The following CRNN variants were observed in gnomAD, a reference collection of about 807,000 sequenced individuals.
CRNN encodes 53 kDa putative calcium-binding protein.
In CRNN, 39 loss-of-function variants were observed where a neutral mutation model predicts 44.7. The observed-to-expected ratio is 0.87, with a 90% confidence interval of 0.68 to 1.14. The LOEUF (loss-of-function observed/expected upper bound fraction) is 1.14, where lower values mean the gene tolerates loss of function less well. Among genes scored for constraint, CRNN ranks in the 50% most tolerant of loss-of-function variants. The pLI is 0.00. For missense variants in CRNN, 606 were observed against 605.1 expected (o/e 1.00, Z -0.02); for synonymous variants, 240 against 231.8 (o/e 1.04, Z -0.32).
At position 152,410,298 on chromosome 1, in the gene CRNN, T is replaced by C; in HGVS notation, c.784A>G (p.Asn262Asp). 6.2e-7 allele frequency: 1 copy of C among 1,613,948 alleles called. No individual in the cohort carries two copies. Among genetic ancestry groups the C allele is most frequent in the Non-Finnish European group, 8.5e-7 (1 of 1,179,970 alleles). ...GTCTCAGTCCCTCTGTTCTGGTCAT[T>C]GGTGGCCTCCTGTGTCTGCTTGCTG... is the stretch of plus-strand genomic sequence containing the variant. ...RTSKQTQEAT[N>D]DQNRGTETHG... Residue 262 changes from asparagine (N) to aspartate (D), a missense_variant, in exon 3 of 3, where the codon AAT (asparagine) becomes GAT (aspartate). By Grantham distance (23) the Asn-to-Asp change is conservative. Transcript: ENST00000271835.
Position 152,410,631 on chromosome 1 carries a change from C to T in CRNN, c.451G>A (p.Gly151Arg), listed in dbSNP as rs146504570. 6.2e-7 allele frequency: 1 copy of T among 1,614,118 alleles called. No homozygotes were observed. The highest frequency in any genetic ancestry group is 8.5e-7 in the Non-Finnish European group (1 of 1,179,988). ...GTGGCCTGACCCTGGGTCTGAACCCCAGGCCTGTTCTGCCCTCTGGAACCC... is the reference window on the plus strand; with the variant it reads ...GTGGCCTGACCCTGGGTCTGAACCCTAGGCCTGTTCTGCCCTCTGGAACCC... ...QQGSRGQNRP[G>R]VQTQGQATGS... Residue 151 changes from glycine (G) to arginine (R), a missense_variant, in exon 3 of 3, where the codon GGG becomes AGG. Physicochemically the swap from Gly to Arg is moderately radical, Grantham distance 125. Transcript: ENST00000271835.
rs1448162519 is a variant in CRNN, at chr1:152,409,545, A to T, written c.*49T>A. The T allele has an allele frequency of 5.7e-6, 9 of 1,565,578 alleles. No individual in the cohort carries two copies. Among genetic ancestry groups the T allele is most frequent in the Non-Finnish European group, 6.9e-6 (8 of 1,155,064 alleles). ...GGATTGGCCATGCAGGACAAGCCAA[A>T]CTCTCTCCAGCTGTCTTCTTCCAGT... On this transcript the variant is annotated 3_prime_UTR_variant, in exon 3 of 3. Transcript: ENST00000271835.
Position 152,410,321 on chromosome 1 carries a change from C to G in CRNN, c.761G>C (p.Ser254Thr), listed in dbSNP as rs759629089. Residue 254 changes from serine (S) to threonine (T), a missense_variant, in exon 3 of 3, where the codon AGC becomes ACC. By Grantham distance (58) the Ser-to-Thr change is moderately conservative (BLOSUM62 1). Coordinates refer to ENST00000271835, the MANE Select transcript of CRNN (RefSeq NM_016190.3). ...QDSSHQTGRT[S>T]KQTQEATNDQ... ...ATTGGTGGCCTCCTGTGTCTGCTTGCTGGTTCTTCCTGTCTGGTGGCTGCT... is the reference window on the plus strand; with the variant it reads ...ATTGGTGGCCTCCTGTGTCTGCTTGGTGGTTCTTCCTGTCTGGTGGCTGCT... 2 of 1,614,118 alleles carry G rather than the reference C, an allele frequency of 1.2e-6. No individual in the cohort carries two copies. Among genetic ancestry groups the G allele is most frequent in the East Asian group, 4.5e-5 (2 of 44,862 alleles).
Position 152,411,167 on chromosome 1 carries a change from C to T in CRNN, c.139-224G>A, listed in dbSNP as rs140211329. ...TGGTAGCCTCTATTTGGCACAATTT[C>T]TGGGCTACAGGAAAATTAGATAAAG... On this transcript the variant is annotated intron_variant, in intron 2 of 2. Coordinates refer to ENST00000271835, the MANE Select transcript of CRNN (RefSeq NM_016190.3). Among the ~76,000 whole-genome samples, 383 of 152,268 alleles carry T rather than the reference C, an allele frequency of 2.5e-3. 1 individual carries two copies. Among genetic ancestry groups the T allele is most frequent in the Middle Eastern group, 0.014 (4 of 294 alleles).
intron 2 of CRNN, 123 bp downstream of exon 2, chr1:152,411,973 T>A: frequency 1.9e-6 from 2 of 1,057,598 alleles, no homozygotes; most frequent in Non-Finnish European, 2.6e-6. Flanking sequence ...ACAGCTGCCA[T>A]CTGTCCCGGC....
Position 152,409,376 on chromosome 1 carries a change from C to T in CRNN, c.*218G>A. On this transcript the variant is annotated 3_prime_UTR_variant, in exon 3 of 3. Coordinates refer to ENST00000271835, the MANE Select transcript of CRNN (RefSeq NM_016190.3). ...AAAGGGGTGACTTGCTCTGAGTCTT[C>T]CTGCTCCTGAGAGGGTCTGCACCGC... 1 of 782,822 alleles carries T rather than the reference C, an allele frequency of 1.3e-6. No individual in the cohort carries two copies. Among genetic ancestry groups the T allele is most frequent in the Non-Finnish European group, 1.9e-6 (1 of 515,372 alleles). 48.5% of individuals were successfully genotyped at this position (782,822 alleles called of 1,614,324 possible). A position where few individuals can be genotyped will look rare whatever the true frequency, so the allele number is the denominator to read the frequency against.
chr1:152,411,061 TA>T (rs1655747761), intron 2 of CRNN, 118 bp from the exon 3 acceptor site: 1 of 1,435,976 alleles, frequency 7.0e-7, no homozygotes, highest in Non-Finnish European at 9.1e-7. Context: ...CACATACGGC[TA>T]GAGCAGCAGC....
rs1655715627 is a variant in CRNN, at chr1:152,410,328, T to C, written c.754A>G (p.Arg252Gly). Residue 252 changes from arginine (R) to glycine (G), a missense_variant, in exon 3 of 3, where the codon AGA (arginine) becomes GGA (glycine). Physicochemically the swap from Arg to Gly is moderately radical, Grantham distance 125. Coordinates refer to ENST00000271835, the MANE Select transcript of CRNN (RefSeq NM_016190.3). ...GCCTCCTGTGTCTGCTTGCTGGTTCTTCCTGTCTGGTGGCTGCTGTCCTGC... is the reference window on the plus strand; with the variant it reads ...GCCTCCTGTGTCTGCTTGCTGGTTCCTCCTGTCTGGTGGCTGCTGTCCTGC... ...VEQDSSHQTG[R>G]TSKQTQEATN... is the part of the protein sequence containing the mutation. The C allele has an allele frequency of 6.2e-7, 1 of 1,613,924 alleles. No individual in the cohort carries two copies. The highest frequency in any genetic ancestry group is 8.5e-7 in the Non-Finnish European group (1 of 1,179,960).
In CRNN at chr1:152,410,007, C is replaced by G. The variant is rs182719074; in HGVS notation, c.1075G>C (p.Glu359Gln). 1 of 1,614,046 alleles carries G rather than the reference C, an allele frequency of 6.2e-7. No homozygotes were observed. The highest frequency in any genetic ancestry group is 8.5e-7 in the Non-Finnish European group (1 of 1,180,036). ...CTTACAGTTTGGCTTCTGTCCTGCT[C>G]CACAGTCTCGGTGTGTGACCCTGCC... ...IQAGSHTETV[E>Q]QDRSQTVSHG... Residue 359 changes from glutamate (E) to glutamine (Q), a missense_variant, in exon 3 of 3, where the codon GAG becomes CAG. Transcript: ENST00000271835.
intron 2 of CRNN, among the ~76,000 whole-genome samples, chr1:152,411,158 G>A (rs1341255187): frequency 6.6e-6 from 1 of 152,128 alleles, no homozygotes; most frequent in Non-Finnish European, 1.5e-5. Context: ...CCTCTATTTG[G>A]CACAATTTCT....
In CRNN at chr1:152,410,746, C is replaced by T; in HGVS notation, c.336G>A (p.Glu112=). The T allele has an allele frequency of 6.2e-7, 1 of 1,614,218 alleles. No homozygotes were observed. The highest frequency in any genetic ancestry group is 2.2e-5 in the East Asian group (1 of 44,884). The change falls in exon 3 of 3, where the codon GAG becomes GAA. Residue 112 remains glutamate (E), a synonymous_variant. Coordinates refer to ENST00000271835, the MANE Select transcript of CRNN (RefSeq NM_016190.3). ...SGSLHSGASQ[E]LGEGQRSGTE... Reference sequence around the variant, plus strand: ...TGCCACTTCTCTGTCCTTCGCCCAGCTCCTGCGAGGCCCCAGAGTGGAGGC... The same window carrying T: ...TGCCACTTCTCTGTCCTTCGCCCAGTTCCTGCGAGGCCCCAGAGTGGAGGC...
Position 152,410,227 on chromosome 1 carries a change from T to A in CRNN, c.855A>T (p.Gly285=), listed in dbSNP as rs749937616. The change falls in exon 3 of 3, where the codon GGA becomes GGT. Residue 285 remains glycine, a synonymous_variant. Coordinates refer to ENST00000271835, the MANE Select transcript of CRNN (RefSeq NM_016190.3). ...RSQTSQAVTG[G]HAQIQAGTHT... ...GTGTCCCTGCCTGTATCTGAGCATG[T>A]CCTCCTGTCACAGCCTGGCTGGTCT... 3 of 1,612,792 alleles carry A rather than the reference T, an allele frequency of 1.9e-6. No individual in the cohort carries two copies. Among genetic ancestry groups the A allele is most frequent in the Non-Finnish European group, 2.5e-6 (3 of 1,179,478 alleles).
At chr1:152,411,989 T>G (rs1570966871) in intron 2 of CRNN, 107 bp downstream of exon 2, 3 of 1,261,490 alleles carry the variant, frequency 2.4e-6, no homozygotes, top group Non-Finnish European at 3.2e-6. Context: ...CCGGCAGGCC[T>G]GGGTTTAGCT....
At chr1:152,413,372 C>T (rs943167188) in intron 1 of CRNN, among the ~76,000 whole-genome samples, 2 of 152,080 alleles carry the variant, frequency 1.3e-5, no homozygotes, top group African/African-American at 4.8e-5. Flanking sequence ...GAGATGGTAT[C>T]AAAGATGACA....
rs761203919 is a variant in CRNN at position 152,409,991 on chromosome 1, T to C, written c.1091A>G (p.Gln364Arg). 8.1e-6 allele frequency: 13 copies of C among 1,614,158 alleles called. No individual in the cohort carries two copies. The South Asian group carries it at 1.3e-4, about 16-fold the overall frequency. ...TCTAGCCCCTCCGTGGCTTACAGTT[T>C]GGCTTCTGTCCTGCTCCACAGTCTC... is the stretch of plus-strand genomic sequence containing the variant. ...HTETVEQDRS[Q>R]TVSHGGAREQ... Residue 364 changes from glutamine to arginine, a missense_variant, in exon 3 of 3, where the codon CAA (glutamine) becomes CGA (arginine). Transcript: ENST00000271835.
rs1570965195 is a variant in CRNN, at chr1:152,409,747, G to T, written c.1335C>A (p.Asp445Glu). ...TGAGGATCACTGTCTCCCTTGAGTGGTCATCAACCCATTCCTCACCAACCA... is the reference window on the plus strand; with the variant it reads ...TGAGGATCACTGTCTCCCTTGAGTGTTCATCAACCCATTCCTCACCAACCA... ...PTVVGEEWVD[D>E]HSRETVILRL... Residue 445 changes from aspartate (D) to glutamate (E), a missense_variant, in exon 3 of 3, where the codon GAC becomes GAA. Transcript: ENST00000271835. The T allele has an allele frequency of 6.2e-7, 1 of 1,614,208 alleles. No individual in the cohort carries two copies. The highest frequency in any genetic ancestry group is 1.7e-5 in the Admixed American group (1 of 60,026).
In CRNN at chr1:152,409,840, C is replaced by T. The variant is rs976855336; in HGVS notation, c.1242G>A (p.Arg414=). 7 of 1,614,104 alleles carry T rather than the reference C, an allele frequency of 4.3e-6. No homozygotes were observed. Among genetic ancestry groups the T allele is most frequent in the South Asian group, 1.1e-5 (1 of 91,086 alleles). Residue 414 remains arginine (R), a synonymous_variant, in exon 3 of 3, where the codon AGG becomes AGA. Transcript: ENST00000271835. ...TTGGGTGAGTGCTGCTCCACTCCTG[C>T]CTTCCTGACTCAGTGCTTGCCCCAG... The part of the protein sequence containing the change: ...AQTGASTESG[R]QEWSSTHPRR...
Position 152,410,716 on chromosome 1 carries a change from T to C in CRNN, c.366A>G (p.Glu122=). ...GCTGCCCTTTCCCCGCCCTTCCCAC[T>C]TCAGTGCCACTTCTCTGTCCTTCGC... The part of the protein sequence containing the change: ...ELGEGQRSGT[E]VGRAGKGQHY... Residue 122 remains glutamate (E), a synonymous_variant, in exon 3 of 3, where the codon GAA becomes GAG. Transcript: ENST00000271835. 1 of 1,614,052 alleles carries C rather than the reference T, an allele frequency of 6.2e-7. No individual in the cohort carries two copies. The highest frequency in any genetic ancestry group is 8.5e-7 in the Non-Finnish European group (1 of 1,179,944).
chr1:152,409,614 A>G lies in CRNN; in HGVS notation c.1468T>C (p.Leu490=), dbSNP rs753422803. ...GITARELYSY[L]RSTKP ...GGAAGTCATGGCTTGGTGCTTCTCA[A>G]GTAGGAATACAGCTCTCTAGCTGTG... is the stretch of plus-strand genomic sequence containing the variant. Residue 490 remains leucine, a synonymous_variant, in exon 3 of 3, where the codon TTG becomes CTG. Transcript: ENST00000271835. 29 of 1,612,060 alleles carry G rather than the reference A, an allele frequency of 1.8e-5. No individual in the cohort carries two copies. The South Asian group carries it at 2.8e-4, about 15-fold the overall frequency.
Sources: gnomAD v4.1 joint callset for allele counts (sites outside exome capture counted in the v4.1 genomes callset) on GRCh38, gnomAD v4.1.1 for gene constraint, MANE v1.5 for transcripts, NCBI Gene and HGNC (gene_info 2026-07-23, HGNC 2026-07-21) for gene names.